ELOVL6: variants seen among roughly 807,000 people sequenced by gnomAD.
ELOVL6 encodes the protein ELOVL fatty acid elongase 6, also known as very long chain fatty acid elongase 6.
A neutral mutation model predicts 31.7 loss-of-function variants in ELOVL6; 8 were observed. The ratio of observed to expected loss-of-function variants is 0.25; its 90% CI spans 0.15 to 0.45. ELOVL6 has a LOEUF of 0.45. ELOVL6 is among the 20% of genes least tolerant of loss of function. The pLI, the probability that ELOVL6 is intolerant of heterozygous loss-of-function variation, is 1.00. For missense variants in ELOVL6, 126 were observed against 326.4 expected (o/e 0.39, Z 4.73); for synonymous variants, 101 against 117.7 (o/e 0.86, Z 0.92).
chr4:110,129,402 A>G (rs970014819), intron 1 of ELOVL6, among the ~76,000 whole-genome samples: 1 of 152,200 alleles, frequency 6.6e-6, no homozygotes, highest in African/African-American at 2.4e-5. Flanking sequence ...TACACCCCAC[A>G]AGACGTTCTT....
At position 110,198,551 on chromosome 4, in the gene ELOVL6, G is replaced by A. The variant is rs1480303744; in HGVS notation, c.-216C>T. The A allele has an allele frequency of 4.0e-6, 2 of 505,874 alleles. No individual in the cohort carries two copies. Among genetic ancestry groups the A allele is most frequent in the Non-Finnish European group, 7.0e-6 (2 of 287,766 alleles). The allele number at this position is 505,874 out of a possible 1,614,324, so 31.3% of individuals were successfully genotyped here. A position where few individuals can be genotyped will look rare whatever the true frequency, so the allele number is the denominator to read the frequency against. On this transcript the variant is annotated 5_prime_UTR_variant, in exon 1 of 4. It introduces an in-frame stop codon into an upstream open reading frame of the 5' UTR. Coordinates refer to ENST00000302274, the MANE Select transcript of ELOVL6 (RefSeq NM_024090.3). ...GCCTCCGCTCCCAGCTCCTCTCTCT[G>A]GGGCTCTCCTCCTCCCGGCGTCCGC... is the stretch of plus-strand genomic sequence containing the variant.
chr4:110,122,454 A>ATC (rs1757382024), intron 1 of ELOVL6, among the ~76,000 whole-genome samples: 1 of 152,098 alleles, frequency 6.6e-6, no homozygotes. Flanking sequence ...CAGTGGCACA[A>ATC]TCTCAGCTCA....
intron 2 of ELOVL6, among the ~76,000 whole-genome samples, chr4:110,105,242 A>ATGTT: frequency 6.6e-6 from 1 of 152,280 alleles, no homozygotes; most frequent in Non-Finnish European, 1.5e-5. Flanking sequence ...TCATCCTAAC[A>ATGTT]GATCAATCAG....
In ELOVL6 at chr4:110,084,095, T is replaced by TATATGATATATATGATATATATAAC. The variant is rs1313758644; in HGVS notation, c.221+21401_221+21402insGTTATATATATCATATATATCATAT. 2.3e-4 allele frequency among the ~76,000 whole-genome samples: 19 copies of TATATGATATATATGATATATATAAC among 82,262 alleles called. 2 individuals are homozygous for TATATGATATATATGATATATATAAC. Among genetic ancestry groups the TATATGATATATATGATATATATAAC allele is most frequent in the African/African-American group, 1.0e-3 (19 of 19,012 alleles). The allele number at this position is 82,262 out of a possible 152,430, so 54.0% of individuals were successfully genotyped here. ...TATATGCTATATATGATATATAACATATATATGATATATATGATATATATA... is the reference window on the plus strand; with the variant it reads ...TATATGCTATATATGATATATAACATATATGATATATATGATATATATAACATATATGATATATATGATATATATA... On this transcript the variant is annotated intron_variant, in intron 2 of 3. Transcript: ENST00000302274.
chr4:110,176,207 C>T lies in ELOVL6; in HGVS notation c.89+22040G>A, dbSNP rs1008582539. Among the ~76,000 whole-genome samples, 10 of 151,986 alleles carry T rather than the reference C, an allele frequency of 6.6e-5. No homozygotes were observed. In the East Asian group the frequency reaches 1.5e-3, roughly 23 times the overall value. ...AGATGGAGTCTCACTCTGTTGCTCA[C>T]GCTGGAATGCAGTGGCGTGATCTTG... is the stretch of plus-strand genomic sequence containing the variant. On this transcript the variant is annotated intron_variant, in intron 1 of 3. Transcript: ENST00000302274.
intron 1 of ELOVL6, among the ~76,000 whole-genome samples, chr4:110,158,635 GTATATATATA>G (rs780807092): frequency 8.6e-5 from 7 of 81,570 alleles, no homozygotes; most frequent in African/African-American, 3.5e-4. Flanking sequence ...ATATACACGT[GTATATATATA>G]TATATATATA....
intron 1 of ELOVL6, among the ~76,000 whole-genome samples, chr4:110,109,185 C>G (rs1756963182): frequency 1.3e-5 from 2 of 152,164 alleles, no homozygotes; most frequent in African/African-American, 4.8e-5. Flanking sequence ...GGCCTCCATA[C>G]TTGGGTATAA....
At chr4:110,115,522 C>T (rs975951162) in intron 1 of ELOVL6, among the ~76,000 whole-genome samples, 17 of 152,092 alleles carry the variant, frequency 1.1e-4, no homozygotes, top group African/African-American at 2.4e-4. Flanking sequence ...GGTGGGAAGA[C>T]GGCTTAAGGC....
chr4:110,163,898 A>G (rs1382228119), intron 1 of ELOVL6, among the ~76,000 whole-genome samples: 1 of 152,224 alleles, frequency 6.6e-6, no homozygotes, highest in Non-Finnish European at 1.5e-5. Context: ...TCAGGTGGGT[A>G]AATCTGAGTC....
chr4:110,190,902 C>T (rs1324141487), intron 1 of ELOVL6, among the ~76,000 whole-genome samples: 2 of 151,960 alleles, frequency 1.3e-5, no homozygotes, highest in South Asian at 2.1e-4. Context: ...TCACTGCAAC[C>T]TCCGCCTCCA....
At chr4:110,107,769 T>C (rs974346469) in intron 1 of ELOVL6, among the ~76,000 whole-genome samples, 1 of 152,140 alleles carries the variant, frequency 6.6e-6, no homozygotes, top group African/African-American at 2.4e-5. Context: ...TCTGAAAAAG[T>C]ATATACTTTT....
chr4:110,129,160 C>T (rs182618825), intron 1 of ELOVL6, among the ~76,000 whole-genome samples: 1 of 152,018 alleles, frequency 6.6e-6, no homozygotes, highest in Admixed American at 6.6e-5. Context: ...GGGAGCTTTC[C>T]TATTTAAGAA....
At chr4:110,084,045 C>G in intron 2 of ELOVL6, among the ~76,000 whole-genome samples, 1 of 24,794 alleles carries the variant, frequency 4.0e-5, no homozygotes, top group Admixed American at 5.3e-4. Flanking sequence ...GTATATAACA[C>G]ATGCTATATA....
intron 1 of ELOVL6, among the ~76,000 whole-genome samples, chr4:110,148,101 C>A (rs2126264217): frequency 1.5e-5 from 2 of 136,602 alleles, no homozygotes; most frequent in African/African-American, 2.8e-5. Context: ...AAGAGCAAAA[C>A]TCGGTCTCAA....
intron 2 of ELOVL6, among the ~76,000 whole-genome samples, chr4:110,077,455 C>T (rs1256429656): frequency 6.6e-6 from 1 of 152,182 alleles, no homozygotes; most frequent in Non-Finnish European, 1.5e-5. Flanking sequence ...CTGCAGCCTC[C>T]ACTGCTGATA....
chr4:110,178,303 T>C (rs923897986), intron 1 of ELOVL6, among the ~76,000 whole-genome samples: 2 of 152,150 alleles, frequency 1.3e-5, no homozygotes, highest in Non-Finnish European at 2.9e-5. Context: ...ATTCCAGCAC[T>C]TGGGGAGGCC....
intron 1 of ELOVL6, among the ~76,000 whole-genome samples, chr4:110,141,515 C>T (rs904560251): frequency 3.3e-5 from 5 of 151,606 alleles, no homozygotes; most frequent in African/African-American, 1.2e-4. Flanking sequence ...GATCTAGGGA[C>T]CAGGAGGGTG....
intron 1 of ELOVL6, among the ~76,000 whole-genome samples, chr4:110,163,102 T>G (rs982551043): frequency 7.2e-5 from 11 of 152,218 alleles, no homozygotes; most frequent in African/African-American, 2.7e-4. Flanking sequence ...AAATGTGCAA[T>G]CAATATCTGA....
chr4:110,148,625 T>G (rs567587261), intron 1 of ELOVL6, among the ~76,000 whole-genome samples: 1 of 152,192 alleles, frequency 6.6e-6, no homozygotes, highest in Admixed American at 6.5e-5. Context: ...GAAAAATAAC[T>G]AAGAGTATAA....
Sources: allele counts gnomAD v4.1 joint callset (sites outside exome capture counted in the v4.1 genomes callset), GRCh38; gene constraint gnomAD v4.1.1; transcripts MANE v1.5; gene names NCBI Gene and HGNC (gene_info 2026-07-23, HGNC 2026-07-21).